PDE8B: variants seen among roughly 807,000 people sequenced by gnomAD.
PDE8B encodes the protein high affinity cAMP-specific and IBMX-insensitive 3',5'-cyclic phosphodiesterase 8B.
PDE8B carries 26 observed loss-of-function variants against 101.3 expected under a neutral mutation model. That is an observed-to-expected ratio of 0.26 (90% CI 0.19 to 0.36). PDE8B has a LOEUF of 0.36. PDE8B is among the 10% of genes least tolerant of loss of function. The pLI is 1.00. For missense variants in PDE8B, 810 were observed against 1,163.1 expected (o/e 0.70, Z 4.42); for synonymous variants, 424 against 429.3 (o/e 0.99, Z 0.15).
chr5:77,260,683 G>A (rs1359038857), intron 1 of PDE8B, among the ~76,000 whole-genome samples: 2 of 149,538 alleles, frequency 1.3e-5, no homozygotes, highest in African/African-American at 5.0e-5. Context: ...TGCCTCCCGG[G>A]TTCAGTCAAT....
At chr5:77,226,867 G>A (rs1580426987) in intron 1 of PDE8B, among the ~76,000 whole-genome samples, 1 of 152,082 alleles carries the variant, frequency 6.6e-6, no homozygotes, top group African/African-American at 2.4e-5. Context: ...GTTTAGAGGA[G>A]GTTTGTCTTG....
the PDE8B span, among the ~76,000 whole-genome samples, chr5:77,193,415 C>T: frequency 1.3e-5 from 2 of 152,144 alleles, no homozygotes; most frequent in Admixed American, 1.3e-4. Context: ...ATTCCACCAC[C>T]ATTTGTTGAA....
At position 77,426,908 on chromosome 5, in the gene PDE8B, C is replaced by T. The variant is rs1798239027; in HGVS notation, c.*354C>T. The T allele has an allele frequency of 6.2e-6, 2 of 321,744 alleles. No homozygotes were observed. The highest frequency in any genetic ancestry group is 4.4e-5 in the Admixed American group (1 of 22,762). 19.9% of individuals were successfully genotyped at this position (321,744 alleles called of 1,614,324 possible). A position where few individuals can be genotyped will look rare whatever the true frequency, so the allele number is the denominator to read the frequency against. On this transcript the variant is annotated 3_prime_UTR_variant, in exon 22 of 22. Transcript: ENST00000264917. ...GTGAGCTCATCTCCCAGGATGGTGA[C>T]TAAGTAGCTTAGCTAGTGATCAGCT...
chr5:77,087,776 C>T, the PDE8B span: 4 of 152,268 alleles, frequency 2.6e-5, no homozygotes, highest in African/African-American at 9.7e-5. Flanking sequence ...GCTGGTAAAC[C>T]AACTTTGAGG....
At chr5:77,415,256 A>C (rs1025863401) in intron 17 of PDE8B, among the ~76,000 whole-genome samples, 1 of 151,778 alleles carries the variant, frequency 6.6e-6, no homozygotes, top group Non-Finnish European at 1.5e-5. Context: ...GGCCTCTTCT[A>C]CCAGATCTGC....
the PDE8B span, among the ~76,000 whole-genome samples, chr5:77,167,735 G>T: frequency 0.15 from 22,746 of 152,124 alleles, 2,420 homozygotes; most frequent in East Asian, 0.36. Flanking sequence ...TAGACTTGGA[G>T]AAATTGAAGG....
chr5:77,353,620 A>C (rs1448568305), intron 10 of PDE8B, among the ~76,000 whole-genome samples: 1 of 152,120 alleles, frequency 6.6e-6, no homozygotes, highest in Non-Finnish European at 1.5e-5. Flanking sequence ...ATCGGTTATG[A>C]TTTAGCTTGT....
chr5:77,385,115 G>C (rs1416633604), intron 10 of PDE8B, among the ~76,000 whole-genome samples: 1 of 152,058 alleles, frequency 6.6e-6, no homozygotes, highest in Non-Finnish European at 1.5e-5. Context: ...GACTTCTTTT[G>C]GTTGGTAGGC....
At chr5:77,327,033 G>A (rs528562175) in intron 3 of PDE8B, among the ~76,000 whole-genome samples, 1 of 152,226 alleles carries the variant, frequency 6.6e-6, no homozygotes, top group Non-Finnish European at 1.5e-5. Context: ...AACCAATAGC[G>A]GTCTATGCAG....
At chr5:77,143,173 A>G in the PDE8B span, among the ~76,000 whole-genome samples, 8 of 152,170 alleles carry the variant, frequency 5.3e-5, no homozygotes, top group African/African-American at 1.9e-4. Context: ...CCCTGATGAG[A>G]AACTGGAGGA....
intron 10 of PDE8B, among the ~76,000 whole-genome samples, chr5:77,383,754 T>A (rs1309208337): frequency 6.6e-6 from 1 of 152,228 alleles, no homozygotes; most frequent in Non-Finnish European, 1.5e-5. Flanking sequence ...TCCCCATTGC[T>A]TGTTTTTGTC....
At chr5:77,351,946 G>T (rs547144099) in intron 9 of PDE8B, among the ~76,000 whole-genome samples, 3 of 152,288 alleles carry the variant, frequency 2.0e-5, no homozygotes, top group South Asian at 2.1e-4. Context: ...GCAAATTGTT[G>T]TATGAATAGA....
chr5:77,264,988 C>T (rs905329109), intron 1 of PDE8B, among the ~76,000 whole-genome samples: 2 of 152,164 alleles, frequency 1.3e-5, no homozygotes, highest in Non-Finnish European at 2.9e-5. Flanking sequence ...AACTGAGCTG[C>T]TTGTGCAGGG....
rs1323604190 is a variant in PDE8B, at chr5:77,421,883, GA to G, written c.2314del (p.Ile772SerfsTer4). 1 of 1,614,102 alleles carries G rather than the reference GA, an allele frequency of 6.2e-7. No individual in the cohort carries two copies. Among genetic ancestry groups the G allele is most frequent in the Admixed American group, 1.7e-5 (1 of 60,018 alleles). ...GKNFPENQIL[I>X]KRMMIKCADV... ...AGAACTTCCCTGAAAACCAAATCCT[GA>G]TCAAACGCATGATGATTAAGTGTGC... On this transcript the variant is annotated frameshift_variant, in exon 20 of 22. Transcript: ENST00000264917. LOFTEE classifies it high-confidence loss of function.
intron 4 of PDE8B, 125 bp downstream of exon 4, chr5:77,329,182 A>G (rs997751684): frequency 1.4e-5 from 10 of 735,922 alleles, no homozygotes; most frequent in Admixed American, 5.9e-5. Flanking sequence ...CACCAGCCTT[A>G]GATCTTGATC....
chr5:77,345,946 C>G (rs1780074411), intron 7 of PDE8B, among the ~76,000 whole-genome samples: 1 of 152,112 alleles, frequency 6.6e-6, no homozygotes. Flanking sequence ...ACATCAATAG[C>G]CCACCCTGCC....
intron 1 of PDE8B, among the ~76,000 whole-genome samples, chr5:77,305,333 C>T (rs1770949422): frequency 6.6e-6 from 1 of 152,174 alleles, no homozygotes; most frequent in African/African-American, 2.4e-5. Context: ...CATGGGCTGC[C>T]CAGTGAGCTC....
the PDE8B span, among the ~76,000 whole-genome samples, chr5:77,164,908 A>T: frequency 6.6e-6 from 1 of 152,162 alleles, no homozygotes; most frequent in East Asian, 1.9e-4. Context: ...ATGAAGTTCA[A>T]TATTGGCACT....
At chr5:77,394,584 A>C (rs1309559134) in intron 10 of PDE8B, among the ~76,000 whole-genome samples, 1 of 152,190 alleles carries the variant, frequency 6.6e-6, no homozygotes, top group African/African-American at 2.4e-5. Flanking sequence ...TAGCATATCC[A>C]ATTAATATTG....
Sources: gnomAD v4.1 joint callset for allele counts (sites outside exome capture counted in the v4.1 genomes callset) on GRCh38, gnomAD v4.1.1 for gene constraint, MANE v1.5 for transcripts, NCBI Gene and HGNC (gene_info 2026-07-23, HGNC 2026-07-21) for gene names.